The following UGT2B28 variants were observed in gnomAD, a reference collection of about 807,000 sequenced individuals.
UGT2B28 encodes the protein UDP-glucuronosyltransferase 2B28.
In UGT2B28, 45 loss-of-function variants were observed where a neutral mutation model predicts 43.6. The ratio of observed to expected loss-of-function variants is 1.03; its 90% CI spans 0.81 to 1.32. The LOEUF (loss-of-function observed/expected upper bound fraction) is 1.32. UGT2B28 is among the 40% of genes most tolerant of loss of function. The pLI is 0.00. For missense variants in UGT2B28, 649 were observed against 625.5 expected, an observed-to-expected ratio of 1.04 and a Z score of -0.40; for synonymous variants, 204 against 208.1, an observed-to-expected ratio of 0.98 and a Z score of 0.17.
chr4:69,293,943 A>G (rs1286310991), intron 5 of UGT2B28, among the ~76,000 whole-genome samples: 1 of 140,312 alleles, frequency 7.1e-6, no homozygotes, highest in African/African-American at 2.8e-5. Context: ...GCAAAGTGAC[A>G]AGCCATGAGG....
chr4:69,290,128 G>C (rs1291743481), intron 4 of UGT2B28, among the ~76,000 whole-genome samples: 6 of 139,680 alleles, frequency 4.3e-5, no homozygotes, highest in Admixed American at 1.4e-4. Flanking sequence ...CAGTGACTCT[G>C]TATTATCTGG....
At chr4:69,289,616 A>G (rs1487247161) in intron 3 of UGT2B28, 49 bp from the exon 4 acceptor site, 2 of 1,457,024 alleles carry the variant, frequency 1.4e-6, no homozygotes, top group African/African-American at 1.6e-5. Context: ...AACATTCTAT[A>G]ATTTTTGAGT....
chr4:69,290,997 A>G lies in UGT2B28; in HGVS notation c.1310+186A>G, dbSNP rs1723939867. 2.1e-5 allele frequency among the ~76,000 whole-genome samples: 3 copies of G among 140,394 alleles called. No homozygotes were observed. The South Asian group carries it at 7.2e-4, about 34-fold the overall frequency. 92.1% of individuals were successfully genotyped at this position (140,394 alleles called of 152,430 possible). ...ATTGTGCTTGAATCCCATACATCTA[A>G]TGAGTAACCAGTTAGTGAAGCAATT... On this transcript the variant is annotated intron_variant, in intron 5 of 5. Transcript: ENST00000335568.
chr4:69,280,847 T>C lies in UGT2B28; in HGVS notation c.347T>C (p.Leu116Pro). 6.4e-7 allele frequency: 1 copy of C among 1,560,486 alleles called. No individual in the cohort carries two copies. The highest frequency in any genetic ancestry group is 8.7e-7 in the Non-Finnish European group (1 of 1,155,794). The change falls in exon 1 of 6, where the codon CTG (leucine) becomes CCG (proline). Residue 116 changes from leucine to proline, a missense_variant. Physicochemically the swap from Leu to Pro is moderately conservative, Grantham distance 98 (BLOSUM62 -3). Transcript: ENST00000335568. ...WLYFSQEQEI[L>P]WEFHDIFRNF... ...TATTTTTCACAAGAACAAGAAATCCTGTGGGAATTTCATGACATATTTAGA... is the reference window on the plus strand; with the variant it reads ...TATTTTTCACAAGAACAAGAAATCCCGTGGGAATTTCATGACATATTTAGA...
At chr4:69,292,739 G>A (rs1370141730) in intron 5 of UGT2B28, among the ~76,000 whole-genome samples, 2 of 139,194 alleles carry the variant, frequency 1.4e-5, no homozygotes, top group Non-Finnish European at 3.1e-5. Flanking sequence ...GATATGTGGT[G>A]GGCAATAAAT....
At chr4:69,283,902 T>A (rs1331745159) in intron 2 of UGT2B28, among the ~76,000 whole-genome samples, 1 of 140,626 alleles carries the variant, frequency 7.1e-6, no homozygotes, top group Non-Finnish European at 1.5e-5. Context: ...AATTCTAAAA[T>A]TCTACCGTAA....
Position 69,294,841 on chromosome 4 carries a change from A to G in UGT2B28, c.*32A>G. 1 of 1,524,134 alleles carries G rather than the reference A, an allele frequency of 6.6e-7. No individual in the cohort carries two copies. Among genetic ancestry groups the G allele is most frequent in the Non-Finnish European group, 8.8e-7 (1 of 1,138,798 alleles). 94.4% of individuals were successfully genotyped at this position (1,524,134 alleles called of 1,614,324 possible). On this transcript the variant is annotated 3_prime_UTR_variant, in exon 6 of 6. Transcript: ENST00000335568. ...CTGACATTTGAAGCTGGAAAACCAG[A>G]TAGATGGGTTGACATCAGTTTATTC...
In UGT2B28 at chr4:69,292,644, TAC is replaced by T. The variant is rs562994857; in HGVS notation, c.1310+1835_1310+1836del. Among the ~76,000 whole-genome samples, 84 of 140,162 alleles carry T rather than the reference TAC, an allele frequency of 6.0e-4. 9 individuals are homozygous for T. Among genetic ancestry groups the T allele is most frequent in the Non-Finnish European group, 1.1e-3 (71 of 65,560 alleles). The allele number at this position is 140,162 out of a possible 152,430, so 92.0% of individuals were successfully genotyped here. On this transcript the variant is annotated intron_variant, in intron 5 of 5. Coordinates refer to ENST00000335568, the MANE Select transcript of UGT2B28 (RefSeq NM_053039.2). ...TGATATACAAACACATATATACATA[TAC>T]AATACACATATATGTATTGTATATA...
chr4:69,281,524 A>G (rs2109681808), intron 1 of UGT2B28, among the ~76,000 whole-genome samples: 1 of 141,158 alleles, frequency 7.1e-6, no homozygotes, highest in South Asian at 2.3e-4. Flanking sequence ...TTAGATCTTA[A>G]AAACAGTGAA....
chr4:69,287,034 A>T, intron 3 of UGT2B28, 151 bp downstream of exon 3: 1 of 1,356,630 alleles, frequency 7.4e-7, no homozygotes, highest in Non-Finnish European at 9.6e-7. Context: ...GACACAAGTC[A>T]TAGTTGTGCC....
At chr4:69,282,234 C>T (rs1723634855) in intron 1 of UGT2B28, among the ~76,000 whole-genome samples, 1 of 139,784 alleles carries the variant, frequency 7.2e-6, no homozygotes, top group Non-Finnish European at 1.5e-5. Context: ...GTTTAATTTT[C>T]TATGACTTAT....
At chr4:69,287,213 G>A (rs1723805323) in intron 3 of UGT2B28, among the ~76,000 whole-genome samples, 1 of 140,786 alleles carries the variant, frequency 7.1e-6, no homozygotes, top group Non-Finnish European at 1.5e-5. Flanking sequence ...ACATATGGCT[G>A]AAATTAACTC....
chr4:69,286,691 A>G lies in UGT2B28; in HGVS notation c.871-61A>G, dbSNP rs140680761. 1,053 of 1,508,008 alleles carry G rather than the reference A, an allele frequency of 7.0e-4. 198 individuals are homozygous for G. In the African/African-American group the frequency reaches 8.6e-3, roughly 12 times the overall value. The allele number at this position is 1,508,008 out of a possible 1,614,324, so 93.4% of individuals were successfully genotyped here. A position where few individuals can be genotyped will look rare whatever the true frequency, so the allele number is the denominator to read the frequency against. The stretch of plus-strand genomic sequence containing the variant: ...TTTCTCTCTTTAATATTTGGTACCA[A>G]TTCTTTAGTAGTGCCTGCTGTGGTG... On this transcript the variant is annotated intron_variant, in intron 2 of 5. Coordinates refer to ENST00000335568, the MANE Select transcript of UGT2B28 (RefSeq NM_053039.2).
At position 69,294,865 on chromosome 4, in the gene UGT2B28, T is replaced by A. The variant is rs768585404; in HGVS notation, c.*56T>A. On this transcript the variant is annotated 3_prime_UTR_variant, in exon 6 of 6. Coordinates refer to ENST00000335568, the MANE Select transcript of UGT2B28 (RefSeq NM_053039.2). ...GATAGATGGGTTGACATCAGTTTAT[T>A]CCAGCAAGAAAGAAAAGATTGTTAT... 1,098 of 1,438,990 alleles carry A rather than the reference T, an allele frequency of 7.6e-4. 131 individuals are homozygous for A. The highest frequency in any genetic ancestry group is 9.7e-4 in the Non-Finnish European group (1,068 of 1,096,150). The allele number at this position is 1,438,990 out of a possible 1,614,324, so 89.1% of individuals were successfully genotyped here.
Position 69,294,906 on chromosome 4 carries a change from T to A in UGT2B28, c.*97T>A. The A allele has an allele frequency of 1.5e-6, 2 of 1,352,484 alleles. No individual in the cohort carries two copies. Among genetic ancestry groups the A allele is most frequent in the Non-Finnish European group, 1.9e-6 (2 of 1,046,760 alleles). 83.8% of individuals were successfully genotyped at this position (1,352,484 alleles called of 1,614,324 possible). On this transcript the variant is annotated 3_prime_UTR_variant, in exon 6 of 6. Coordinates refer to ENST00000335568, the MANE Select transcript of UGT2B28 (RefSeq NM_053039.2). ...AGATTGTTATGCAAGATTTCTTTCT[T>A]CCTGTGACAAAAAAAAAAACTTTTC...
rs1379021984 is a variant in UGT2B28 at position 69,288,387 on chromosome 4, T to TA, written c.1003-1277dup. Among the ~76,000 whole-genome samples, 2 of 139,488 alleles carry TA rather than the reference T, an allele frequency of 1.4e-5. 1 individual carries two copies. The highest frequency in any genetic ancestry group is 4.1e-4 in the East Asian group (2 of 4,898). The allele number at this position is 139,488 out of a possible 152,430, so 91.5% of individuals were successfully genotyped here. ...ATATAATAACCTACCGACAAGTAGA[T>TA]ACATTTATACTACTTCTCATATTAT... is the stretch of plus-strand genomic sequence containing the variant. On this transcript the variant is annotated intron_variant, in intron 3 of 5. Coordinates refer to ENST00000335568, the MANE Select transcript of UGT2B28 (RefSeq NM_053039.2).
intron 3 of UGT2B28, among the ~76,000 whole-genome samples, chr4:69,287,146 C>T (rs1031227216): frequency 7.2e-6 from 1 of 139,474 alleles, no homozygotes; most frequent in Non-Finnish European, 1.5e-5. Context: ...CCATATGTAT[C>T]CACAAAAGGG....
Position 69,290,651 on chromosome 4 carries a change from A to G in UGT2B28, c.1150A>G (p.Ile384Val), listed in dbSNP as rs1486890332. ...TGGAGCCAATGGCATCTATGAGGCA[A>G]TCTACCATGGGATCCCTATGGTAGG... Reference protein sequence around the residue: ...HGGANGIYEAIYHGIPMVGIP... With the variant: ...HGGANGIYEAVYHGIPMVGIP... The change falls in exon 5 of 6, where the codon ATC (isoleucine) becomes GTC (valine). Residue 384 changes from isoleucine to valine, a missense_variant. Transcript: ENST00000335568. The G allele has an allele frequency of 3.8e-6, 6 of 1,559,482 alleles. No individual in the cohort carries two copies. Among genetic ancestry groups the G allele is most frequent in the Non-Finnish European group, 5.2e-6 (6 of 1,155,218 alleles).
intron 2 of UGT2B28, among the ~76,000 whole-genome samples, chr4:69,285,589 T>C (rs1723750637): frequency 7.1e-6 from 1 of 141,198 alleles, no homozygotes; most frequent in African/African-American, 2.8e-5. Flanking sequence ...TAACGTAAGA[T>C]TAAAAATCAT....
Sources: gnomAD v4.1 joint callset for allele counts (sites outside exome capture counted in the v4.1 genomes callset) on GRCh38, gnomAD v4.1.1 for gene constraint, MANE v1.5 for transcripts, NCBI Gene and HGNC (gene_info 2026-07-23, HGNC 2026-07-21) for gene names.